The following ATF7IP2 variants were observed in gnomAD, a reference collection of about 807,000 sequenced individuals.
ATF7IP2 encodes activating transcription factor 7 interacting protein 2.
ATF7IP2 carries 42 observed loss-of-function variants against 64.2 expected under a neutral mutation model. That is an observed-to-expected ratio of 0.65 (90% CI 0.51 to 0.85). The LOEUF is 0.85. Among genes scored for constraint, ATF7IP2 ranks in the 40% least tolerant of loss-of-function variants. The pLI is 0.00. For synonymous variants in ATF7IP2, 308 were observed against 272.8 expected (o/e 1.13, Z -1.27); for missense variants, 933 against 784.2 (o/e 1.19, Z -2.27).
chr16:10,424,218 C>G (rs2141850703), intron 3 of ATF7IP2, among the ~76,000 whole-genome samples: 1 of 152,324 alleles, frequency 6.6e-6, no homozygotes, highest in East Asian at 1.9e-4. Flanking sequence ...TTCTGGTAAA[C>G]CAACAACCTT....
intron 12 of ATF7IP2, 98 bp downstream of exon 12, chr16:10,474,087 A>C: frequency 1.3e-6 from 1 of 770,934 alleles, no homozygotes; most frequent in South Asian, 1.8e-5. Context: ...TTAATATGTG[A>C]GTGTGCCTAT....
chr16:10,406,603 C>T (rs914576953), intron 1 of ATF7IP2, among the ~76,000 whole-genome samples: 1 of 152,028 alleles, frequency 6.6e-6, no homozygotes, highest in African/African-American at 2.4e-5. Context: ...CTCAGAAATT[C>T]GAAGCATCCT....
intron 9 of ATF7IP2, 129 bp downstream of exon 9, chr16:10,457,658 T>C: frequency 1.3e-6 from 1 of 743,326 alleles, no homozygotes; most frequent in Non-Finnish European, 2.0e-6. Context: ...CCTATAGTTT[T>C]ACTTTTACAT....
intron 8 of ATF7IP2, chr16:10,449,771 ATT>A (rs1262861713): frequency 1.3e-5 from 2 of 151,686 alleles, no homozygotes; most frequent in South Asian, 4.2e-4. Flanking sequence ...GGATTCATTG[ATT>A]TTTTTGTTTG....
rs376558663 is a variant in ATF7IP2 at position 10,431,455 on chromosome 16, A to G, written c.835A>G (p.Ser279Gly). The part of the protein sequence containing the change: ...WQSSLDTNNN[S>G]HYQKKRMFSE... ...GTCATCACTTGACACTAATAACAACAGTAAGTATATACTTATGCACCTTTT... is the reference window on the plus strand; with the variant it reads ...GTCATCACTTGACACTAATAACAACGGTAAGTATATACTTATGCACCTTTT... The change falls in exon 5 of 14, where the codon AGC (serine) becomes GGC (glycine). Residue 279 changes from serine to glycine, a missense_variant and splice_region_variant. Physicochemically the swap from Ser to Gly is moderately conservative, Grantham distance 56. Transcript: ENST00000562102. 3 of 1,576,118 alleles carry G rather than the reference A, an allele frequency of 1.9e-6. No individual in the cohort carries two copies. In the African/African-American group the frequency reaches 4.1e-5, roughly 21 times the overall value.
chr16:10,405,089 G>A (rs2047609462), intron 1 of ATF7IP2, among the ~76,000 whole-genome samples: 2 of 152,068 alleles, frequency 1.3e-5, no homozygotes, highest in Non-Finnish European at 2.9e-5. Flanking sequence ...TTGGCTGGGT[G>A]CCGTGGCTCA....
intron 4 of ATF7IP2, among the ~76,000 whole-genome samples, chr16:10,429,758 A>G (rs865961686): frequency 2.7e-4 from 35 of 128,622 alleles, no homozygotes; most frequent in Non-Finnish European, 5.2e-4. Context: ...ATTTTATTTT[A>G]TTATTTTATT....
intron 12 of ATF7IP2, among the ~76,000 whole-genome samples, chr16:10,477,219 C>G (rs1383175728): frequency 6.6e-6 from 1 of 152,214 alleles, no homozygotes; most frequent in Non-Finnish European, 1.5e-5. Context: ...CACCCAGAAT[C>G]TACAAGGAAC....
At chr16:10,464,545 A>G (rs1321160892) in intron 9 of ATF7IP2, among the ~76,000 whole-genome samples, 1 of 152,208 alleles carries the variant, frequency 6.6e-6, no homozygotes, top group South Asian at 2.1e-4. Context: ...ACACATGACA[A>G]AAATTAAACT....
chr16:10,404,356 G>A (rs1321479885), intron 1 of ATF7IP2, among the ~76,000 whole-genome samples: 4 of 152,154 alleles, frequency 2.6e-5, no homozygotes, highest in Admixed American at 1.3e-4. Flanking sequence ...AGGTTCAAGC[G>A]ATTCTCCTGC....
chr16:10,468,146 C>T (rs2049651506), intron 9 of ATF7IP2, among the ~76,000 whole-genome samples: 1 of 152,130 alleles, frequency 6.6e-6, no homozygotes, highest in African/African-American at 2.4e-5. Context: ...TCCCAAAGTG[C>T]TGGGATTACA....
intron 1 of ATF7IP2, among the ~76,000 whole-genome samples, chr16:10,409,668 G>A (rs899649635): frequency 3.3e-5 from 5 of 152,090 alleles, no homozygotes; most frequent in Admixed American, 6.5e-5. Flanking sequence ...CTCATGATCC[G>A]CCCGCCTGGG....
rs138134360 is a variant in ATF7IP2, at chr16:10,420,200, T to C, written c.-160+577T>C. 2.7e-3 allele frequency among the ~76,000 whole-genome samples: 417 copies of C among 152,308 alleles called. 5 individuals are homozygous for C. Among genetic ancestry groups the C allele is most frequent in the African/African-American group, 9.5e-3 (396 of 41,556 alleles). On this transcript the variant is annotated intron_variant, in intron 3 of 13. Coordinates refer to ENST00000562102, the MANE Select transcript of ATF7IP2 (RefSeq NM_001393719.1). ...TATATAGCCTGGGGCATTGTCCATT[T>C]TAATAGATGCTGGAATGCCCATCAC...
intron 8 of ATF7IP2, among the ~76,000 whole-genome samples, chr16:10,455,588 G>C (rs897223615): frequency 2.0e-5 from 3 of 152,204 alleles, no homozygotes; most frequent in Non-Finnish European, 4.4e-5. Context: ...AAATGTGAAA[G>C]TGGCTTTTGA....
chr16:10,422,056 A>G (rs2047997881), intron 3 of ATF7IP2, among the ~76,000 whole-genome samples: 1 of 152,226 alleles, frequency 6.6e-6, no homozygotes, highest in South Asian at 2.1e-4. Context: ...GTCAGTTAAC[A>G]TTATCCATTT....
intron 8 of ATF7IP2, among the ~76,000 whole-genome samples, chr16:10,455,813 G>A (rs1200827463): frequency 6.6e-6 from 1 of 152,124 alleles, no homozygotes; most frequent in Non-Finnish European, 1.5e-5. Context: ...TAAAAGCATT[G>A]TTGGTGAGGA....
At chr16:10,394,454 C>T (rs2047385767) in intron 1 of ATF7IP2, among the ~76,000 whole-genome samples, 1 of 152,186 alleles carries the variant, frequency 6.6e-6, no homozygotes, top group African/African-American at 2.4e-5. Flanking sequence ...CAATACAACA[C>T]TGTCATAATG....
Position 10,431,432 on chromosome 16 carries a change from C to T in ATF7IP2, c.812C>T (p.Ser271Leu), listed in dbSNP as rs2048250632. The change falls in exon 5 of 14, where the codon TCA (serine) becomes TTA (leucine). Residue 271 changes from serine to leucine, a missense_variant. Physicochemically the swap from Ser to Leu is moderately radical, Grantham distance 145. Transcript: ENST00000562102. Reference protein sequence around the residue: ...NCESADSTWQSSLDTNNNSHY... With the variant: ...NCESADSTWQLSLDTNNNSHY... ...GAAAGTGCAGACTCAACATGGCAGTCATCACTTGACACTAATAACAACAGT... is the reference window on the plus strand; with the variant it reads ...GAAAGTGCAGACTCAACATGGCAGTTATCACTTGACACTAATAACAACAGT... 2 of 1,600,606 alleles carry T rather than the reference C, an allele frequency of 1.2e-6. No individual in the cohort carries two copies. Among genetic ancestry groups the T allele is most frequent in the Non-Finnish European group, 1.7e-6 (2 of 1,170,910 alleles).
At chr16:10,460,051 A>G (rs945588162) in intron 9 of ATF7IP2, among the ~76,000 whole-genome samples, 10 of 152,060 alleles carry the variant, frequency 6.6e-5, no homozygotes, top group African/African-American at 2.2e-4. Flanking sequence ...CTAGAGATTA[A>G]TTATTAAAAT....
Sources: allele counts gnomAD v4.1 joint callset (sites outside exome capture counted in the v4.1 genomes callset), GRCh38; gene constraint gnomAD v4.1.1; transcripts MANE v1.5; gene names NCBI Gene and HGNC (gene_info 2026-07-23, HGNC 2026-07-21).